The following CCSER1 variants were observed in gnomAD, a reference collection of about 807,000 sequenced individuals.
The protein encoded by CCSER1 is coiled-coil serine rich protein 1, also known as serine-rich coiled-coil domain-containing protein 1.
CCSER1 carries 41 observed loss-of-function variants against 82.0 expected under a neutral mutation model. The ratio of observed to expected loss-of-function variants is 0.50; its 90% CI spans 0.39 to 0.65. CCSER1 has a LOEUF of 0.65. CCSER1 is among the 30% of genes least tolerant of loss of function. CCSER1 has a pLI of 0.00. For missense variants in CCSER1, 1,119 were observed against 1,064.2 expected (o/e 1.05, Z -0.72); for synonymous variants, 414 against 383.9 (o/e 1.08, Z -0.92).
At chr4:91,025,920 TCA>T (rs33922764) in intron 9 of CCSER1, among the ~76,000 whole-genome samples, 16,818 of 152,094 alleles carry the variant, frequency 0.11, 1,856 homozygotes, top group African/African-American at 0.29. Context: ...CAGCCTAAAC[TCA>T]CTGAGGATTG....
At chr4:90,594,569 G>A (rs1286527139) in intron 5 of CCSER1, among the ~76,000 whole-genome samples, 1 of 152,028 alleles carries the variant, frequency 6.6e-6, no homozygotes, top group East Asian at 1.9e-4. Context: ...GATTTTGGAT[G>A]GAAGGCATGA....
intron 8 of CCSER1, among the ~76,000 whole-genome samples, chr4:90,916,502 C>G (rs1400778064): frequency 6.6e-6 from 1 of 151,990 alleles, no homozygotes; most frequent in Non-Finnish European, 1.5e-5. Context: ...ACACCTTATA[C>G]AAAAATTAAT....
Position 90,291,304 on chromosome 4 carries a change from T to C in CCSER1, c.-41-16940T>C, listed in dbSNP as rs545003773. 5.7e-3 allele frequency among the ~76,000 whole-genome samples: 874 copies of C among 152,094 alleles called. 8 individuals are homozygous for C. The highest frequency in any genetic ancestry group is 0.02 in the African/African-American group (849 of 41,532). On this transcript the variant is annotated intron_variant, in intron 1 of 10. Transcript: ENST00000509176. ...TAGTTTAGGTTTCCATTTATTATCCTCAAAAAACAAGTTCATTTTCCAAAT... is the reference window on the plus strand; with the variant it reads ...TAGTTTAGGTTTCCATTTATTATCCCCAAAAAACAAGTTCATTTTCCAAAT...
chr4:90,758,817 CA>C (rs371157991), intron 7 of CCSER1, among the ~76,000 whole-genome samples: 1 of 152,090 alleles, frequency 6.6e-6, no homozygotes, highest in African/African-American at 2.4e-5. Flanking sequence ...AAAAATAACA[CA>C]AAAATAGTGT....
Position 90,434,847 on chromosome 4 carries a change from AT to A in CCSER1, c.1604-33383del, listed in dbSNP as rs538053741. Among the ~76,000 whole-genome samples, 718 of 152,274 alleles carry A rather than the reference AT, an allele frequency of 4.7e-3. 5 individuals are homozygous for A. Among genetic ancestry groups the A allele is most frequent in the Non-Finnish European group, 7.2e-3 (493 of 68,016 alleles). ...CTTGTAGTTTGAAGGCATTCATAAAATTTTAGCAGCGTTTAGATTATTTTAC... is the reference window on the plus strand; with the variant it reads ...CTTGTAGTTTGAAGGCATTCATAAAATTTAGCAGCGTTTAGATTATTTTAC... On this transcript the variant is annotated intron_variant, in intron 4 of 10. Transcript: ENST00000509176.
At chr4:90,828,392 C>T (rs1362519199) in intron 8 of CCSER1, among the ~76,000 whole-genome samples, 1 of 152,018 alleles carries the variant, frequency 6.6e-6, no homozygotes, top group Admixed American at 6.6e-5. Context: ...CCATAGTCAG[C>T]CAAATACAGA....
chr4:90,826,246 T>A (rs62311068), intron 8 of CCSER1, among the ~76,000 whole-genome samples: 14,598 of 152,250 alleles, frequency 0.096, 754 homozygotes, highest in Admixed American at 0.14. Flanking sequence ...TGACTCCATT[T>A]TGGTTCAGTC....
intron 9 of CCSER1, among the ~76,000 whole-genome samples, chr4:91,010,194 T>A (rs1738893606): frequency 6.6e-6 from 1 of 152,144 alleles, no homozygotes; most frequent in African/African-American, 2.4e-5. Flanking sequence ...GGGTTTTTTT[T>A]GTTTTTGTTT....
At chr4:90,346,605 T>C (rs1742400098) in intron 3 of CCSER1, among the ~76,000 whole-genome samples, 1 of 152,060 alleles carries the variant, frequency 6.6e-6, no homozygotes, top group South Asian at 2.1e-4. Context: ...TTAGAGTACT[T>C]GATGAAATTT....
At chr4:91,482,860 C>T (rs1333940170) in intron 10 of CCSER1, among the ~76,000 whole-genome samples, 38 of 152,142 alleles carry the variant, frequency 2.5e-4, no homozygotes, top group Non-Finnish European at 4.1e-4. Flanking sequence ...AACCAAACAC[C>T]GCATGTTCTC....
chr4:91,479,400 C>T (rs533722909), intron 10 of CCSER1, among the ~76,000 whole-genome samples: 5 of 151,520 alleles, frequency 3.3e-5, no homozygotes, highest in African/African-American at 1.2e-4. Flanking sequence ...AATTAGGATC[C>T]TCATTTTGAA....
chr4:91,575,284 A>C (rs1337250942), intron 10 of CCSER1, among the ~76,000 whole-genome samples: 1 of 152,052 alleles, frequency 6.6e-6, no homozygotes, highest in Admixed American at 6.6e-5. Flanking sequence ...ACCCAGGAGA[A>C]AAACTCATTG....
chr4:91,402,664 T>C (rs180746897), intron 10 of CCSER1, among the ~76,000 whole-genome samples: 2 of 152,324 alleles, frequency 1.3e-5, no homozygotes, highest in Admixed American at 1.3e-4. Context: ...CCTTTCCCCA[T>C]TTCTTGTTTT....
At chr4:91,261,729 AAACAAC>A (rs57847646) in intron 10 of CCSER1, among the ~76,000 whole-genome samples, 2 of 151,658 alleles carry the variant, frequency 1.3e-5, no homozygotes, top group African/African-American at 2.4e-5. Flanking sequence ...ACTCAAATGA[AAACAAC>A]AACAGTGAAC....
chr4:90,957,608 TA>T (rs539022599), intron 9 of CCSER1, among the ~76,000 whole-genome samples: 1,818 of 129,464 alleles, frequency 0.014, 45 homozygotes, highest in African/African-American at 0.05. Flanking sequence ...TTATATATAA[TA>T]TATATTATAT....
At position 90,393,484 on chromosome 4, in the gene CCSER1, C is replaced by T. The variant is rs146105714; in HGVS notation, c.1510-6552C>T. 5.3e-3 allele frequency among the ~76,000 whole-genome samples: 811 copies of T among 152,118 alleles called. 3 individuals are homozygous for T. The highest frequency in any genetic ancestry group is 7.2e-3 in the Non-Finnish European group (489 of 67,988). On this transcript the variant is annotated intron_variant, in intron 3 of 10. Transcript: ENST00000509176. The stretch of plus-strand genomic sequence containing the variant: ...TAAACGTCTTATTAATTTAAATAAT[C>T]CTCTCCATTTTTAGACCTCACAATG...
intron 9 of CCSER1, among the ~76,000 whole-genome samples, chr4:91,035,893 C>A (rs1741390746): frequency 6.6e-6 from 1 of 152,196 alleles, no homozygotes; most frequent in African/African-American, 2.4e-5. Context: ...TTCAGAAATG[C>A]AACCTTTGTA....
chr4:91,208,684 C>T (rs911798963), intron 10 of CCSER1, among the ~76,000 whole-genome samples: 9 of 151,752 alleles, frequency 5.9e-5, no homozygotes, highest in East Asian at 3.9e-4. Flanking sequence ...TTTGCTAAGG[C>T]GTTCCTTAGC....
At chr4:90,213,530 C>T (rs1351627644) in intron 1 of CCSER1, among the ~76,000 whole-genome samples, 3 of 152,046 alleles carry the variant, frequency 2.0e-5, no homozygotes, top group Non-Finnish European at 4.4e-5. Context: ...GTGAGATCAC[C>T]TGGCAGAGGG....
Sources: gnomAD v4.1 joint callset for allele counts (sites outside exome capture counted in the v4.1 genomes callset) on GRCh38, gnomAD v4.1.1 for gene constraint, MANE v1.5 for transcripts, NCBI Gene and HGNC (gene_info 2026-07-23, HGNC 2026-07-21) for gene names.